MIA3: variants seen among roughly 807,000 people sequenced by gnomAD.
MIA3 encodes the protein transport and Golgi organization protein 1 homolog.
Under a neutral mutation model 192.4 loss-of-function variants are expected in MIA3, and 90 were observed. That is an observed-to-expected ratio of 0.47 (90% CI 0.39 to 0.56). The LOEUF (loss-of-function observed/expected upper bound fraction) is 0.56. Among genes scored for constraint, MIA3 ranks in the 20% least tolerant of loss-of-function variants. The pLI is 0.00. For missense variants in MIA3, 2,123 were observed against 2,269.4 expected (o/e 0.94, Z 1.31); for synonymous variants, 740 against 792.8 (o/e 0.93, Z 1.12).
intron 6 of MIA3, among the ~76,000 whole-genome samples, chr1:222,639,978 G>GA (rs11316531): frequency 6.6e-6 from 1 of 151,836 alleles, no homozygotes; most frequent in South Asian, 2.1e-4. Flanking sequence ...GTGGGATGTA[G>GA]AAAAAAATCT....
chr1:222,636,643 G>C (rs900356387), intron 6 of MIA3, among the ~76,000 whole-genome samples: 4 of 151,306 alleles, frequency 2.6e-5, no homozygotes, highest in Admixed American at 6.6e-5. Flanking sequence ...CTCCCAAGTA[G>C]CTGGGATTAC....
chr1:222,628,313 C>A lies in MIA3; in HGVS notation c.1093C>A (p.Gln365Lys), dbSNP rs1468556274. The A allele has an allele frequency of 2.0e-5, 33 of 1,613,604 alleles. No individual in the cohort carries two copies. Among genetic ancestry groups the A allele is most frequent in the Non-Finnish European group, 2.8e-5 (33 of 1,179,932 alleles). Residue 365 changes from glutamine to lysine, a missense_variant, in exon 4 of 28, where the codon CAG becomes AAG. This residue lies in a region of MIA3 where 1,357 missense variants were observed against 1,396.1 expected (regional missense o/e 0.97). Coordinates refer to ENST00000344922, the MANE Select transcript of MIA3 (RefSeq NM_198551.4). ...GAATTCAAATGAAGAGGACAAGGTT[C>A]AGCTAACTGTGCCCCCTGGCATCAA... ...EQNSNEEDKV[Q>K]LTVPPGIKND...
rs1203473263 is a variant in MIA3 at position 222,662,284 on chromosome 1, C to A, written c.5214C>A (p.Asn1738Lys). The A allele has an allele frequency of 6.2e-7, 1 of 1,613,836 alleles. No homozygotes were observed. Among genetic ancestry groups the A allele is most frequent in the Non-Finnish European group, 8.5e-7 (1 of 1,179,914 alleles). Residue 1738 changes from asparagine to lysine, a missense_variant, in exon 26 of 28, where the codon AAC becomes AAA. Physicochemically the swap from Asn to Lys is moderately conservative, Grantham distance 94 (BLOSUM62 0). This residue lies in a region of MIA3 where 762 missense variants were observed against 856.4 expected (regional missense o/e 0.89). Transcript: ENST00000344922. ...GATCTGGTACAGCTACCATGATGAA[C>A]AGCAGCTCAAGAGGCTCTTCCCCTA... ...DPGSGTATMM[N>K]SSSRGSSPTR...
At chr1:222,655,119 T>C (rs780877179) in intron 18 of MIA3, among the ~76,000 whole-genome samples, 36 of 152,278 alleles carry the variant, frequency 2.4e-4, no homozygotes, top group Non-Finnish European at 4.6e-4. Context: ...TTCCTTTCTT[T>C]GTGGTCAATT....
At chr1:222,656,613 T>C (rs999361070) in intron 18 of MIA3, among the ~76,000 whole-genome samples, 1 of 152,178 alleles carries the variant, frequency 6.6e-6, no homozygotes, top group Non-Finnish European at 1.5e-5. Flanking sequence ...TTCTTTTGCA[T>C]TTATACTGCT....
intron 5 of MIA3, among the ~76,000 whole-genome samples, chr1:222,632,862 G>C (rs1338213794): frequency 6.6e-6 from 1 of 152,142 alleles, no homozygotes; most frequent in African/African-American, 2.4e-5. Context: ...CAGTGAAGGG[G>C]TCCAAGTATG....
chr1:222,634,072 G>C (rs1329926358), intron 6 of MIA3, among the ~76,000 whole-genome samples: 2 of 152,106 alleles, frequency 1.3e-5, no homozygotes, highest in African/African-American at 4.8e-5. Context: ...GAACTCCTGA[G>C]CCCATGGGAG....
chr1:222,628,078 T>C lies in MIA3; in HGVS notation c.858T>C (p.Leu286=), dbSNP rs1302411152. ...AATTTGGCTCAACAGCTGATGCACT[T>C]GTATCTGATGATGAGACAACCAGAC... is the stretch of plus-strand genomic sequence containing the variant. ...KTKFGSTADA[L]VSDDETTRLV... The change falls in exon 4 of 28, where the codon CTT becomes CTC. Residue 286 remains leucine (L), a synonymous_variant. Coordinates refer to ENST00000344922, the MANE Select transcript of MIA3 (RefSeq NM_198551.4). 1 of 1,614,120 alleles carries C rather than the reference T, an allele frequency of 6.2e-7. No homozygotes were observed. The highest frequency in any genetic ancestry group is 8.5e-7 in the Non-Finnish European group (1 of 1,180,032).
At chr1:222,661,503 T>C in intron 24 of MIA3, 1 of 154,058 alleles carries the variant, frequency 6.5e-6, no homozygotes, top group Admixed American at 6.4e-5. Flanking sequence ...GTAAGGCTTC[T>C]GGTCAATAGT....
intron 1 of MIA3, among the ~76,000 whole-genome samples, chr1:222,620,180 A>G (rs1661793850): frequency 6.6e-6 from 1 of 152,168 alleles, no homozygotes; most frequent in South Asian, 2.1e-4. Context: ...TTTTTAATGT[A>G]TTTTATTGCA....
rs968698770 is a variant in MIA3, at chr1:222,662,545, T to A, written c.5262+213T>A. 4 of 1,332,684 alleles carry A rather than the reference T, an allele frequency of 3.0e-6. No homozygotes were observed. The African/African-American group carries it at 5.9e-5, about 20-fold the overall frequency. The allele number at this position is 1,332,684 out of a possible 1,614,324, so 82.6% of individuals were successfully genotyped here. On this transcript the variant is annotated intron_variant, in intron 26 of 27. Transcript: ENST00000344922. ...TCCAGTAGCAGTAAGTACTTAGAAG[T>A]GTGGACTGAACTGGGCTATAAGTTG... is the stretch of plus-strand genomic sequence containing the variant.
At chr1:222,625,547 T>G (rs775294447) in intron 3 of MIA3, among the ~76,000 whole-genome samples, 3 of 152,210 alleles carry the variant, frequency 2.0e-5, no homozygotes, top group Non-Finnish European at 4.4e-5. Flanking sequence ...TACAAAGGTT[T>G]TCTTATTATT....
chr1:222,660,338 C>G, intron 24 of MIA3, 24 bp downstream of exon 24: 1 of 1,596,896 alleles, frequency 6.3e-7, no homozygotes, highest in African/African-American at 1.3e-5. Flanking sequence ...TGTTTCCTTG[C>G]AATACTCTTT....
chr1:222,654,545 A>C (rs867100599), intron 17 of MIA3, 66 bp downstream of exon 17: 6 of 1,556,990 alleles, frequency 3.9e-6, no homozygotes, highest in Non-Finnish European at 4.4e-6. Context: ...TAGAAAGATA[A>C]AGAGCGGCTT....
chr1:222,618,598 C>A (rs79405579), intron 1 of MIA3, among the ~76,000 whole-genome samples: 2 of 152,282 alleles, frequency 1.3e-5, no homozygotes, highest in African/African-American at 4.8e-5. Context: ...CCCACCCCCC[C>A]AATCCGCCTG....
chr1:222,629,447 A>G lies in MIA3; in HGVS notation c.2227A>G (p.Lys743Glu), dbSNP rs1311637150. Residue 743 changes from lysine (K) to glutamate (E), a missense_variant, in exon 4 of 28, where the codon AAA becomes GAA. Around this residue, in one of 3 missense-constraint regions of MIA3, gnomAD observed 1,357 missense variants for 1,396.1 expected, o/e 0.97. Transcript: ENST00000344922. ...DENAINAKRS[K>E]EKNPGNQGRQ... is the part of the protein sequence containing the mutation. The stretch of plus-strand genomic sequence containing the variant: ...AAACGCTATAAATGCAAAACGGTCT[A>G]AAGAAAAAAACCCTGGGAATCAGGG... 8.7e-6 allele frequency: 14 copies of G among 1,614,202 alleles called. No homozygotes were observed. The highest frequency in any genetic ancestry group is 1.2e-5 in the Non-Finnish European group (14 of 1,180,042).
chr1:222,649,747 A>G (rs1663325534), intron 8 of MIA3: 1 of 155,392 alleles, frequency 6.4e-6, no homozygotes, highest in African/African-American at 2.4e-5. Flanking sequence ...CAGCCTGGAC[A>G]ACAGAGCAAG....
intron 27 of MIA3, chr1:222,664,873 TC>T (rs1353573921): frequency 2.2e-6 from 1 of 462,604 alleles, no homozygotes; most frequent in South Asian, 1.6e-5. Flanking sequence ...AATCTATCTC[TC>T]TTTTTCAGAT....
chr1:222,619,330 C>T (rs1424225074), intron 1 of MIA3, among the ~76,000 whole-genome samples: 1 of 152,162 alleles, frequency 6.6e-6, no homozygotes, highest in Non-Finnish European at 1.5e-5. Flanking sequence ...GTTTTTCATA[C>T]ACTGTTAAGC....
Sources: gnomAD v4.1 joint callset for allele counts (sites outside exome capture counted in the v4.1 genomes callset) on GRCh38, gnomAD v4.1.1 for gene constraint, gnomAD v4.1.1 regional missense constraint, MANE v1.5 for transcripts, NCBI Gene and HGNC (gene_info 2026-07-23, HGNC 2026-07-21) for gene names.